PGR: variants seen among roughly 807,000 people sequenced by gnomAD.
The protein encoded by PGR is nuclear receptor subfamily 3 group C member 3.
Under a neutral mutation model 76.1 loss-of-function variants are expected in PGR, and 25 were observed. That is an observed-to-expected ratio of 0.33 (90% confidence interval 0.24 to 0.46). The LOEUF (loss-of-function observed/expected upper bound fraction) is 0.46, where lower values mean the gene tolerates loss of function less well. Among genes scored for constraint, PGR ranks in the 20% least tolerant of loss-of-function variants. PGR has a pLI of 1.00. For synonymous variants in PGR, 579 were observed against 535.0 expected (o/e 1.08, Z -1.14); for missense variants, 1,172 against 1,225.3 (o/e 0.96, Z 0.65).
In PGR at chr11:101,068,648, T is replaced by A. The variant is rs374885461; in HGVS notation, c.1907-5896A>T. ...CAACTCTACAGTAACTAAAACAGCA[T>A]GGTACTGGTACCCAAACAGATATAT... On this transcript the variant is annotated intron_variant, in intron 3 of 7. Coordinates refer to ENST00000325455, the MANE Select transcript of PGR (RefSeq NM_000926.4). 5.9e-5 allele frequency among the ~76,000 whole-genome samples: 9 copies of A among 152,238 alleles called. 1 individual carries two copies. In the South Asian group the frequency reaches 1.7e-3, roughly 28 times the overall value.
chr11:101,125,969 TTAAACCA>T (rs1283462611), intron 2 of PGR, 31 bp downstream of exon 2: 40 of 1,584,916 alleles, frequency 2.5e-5, no homozygotes, highest in Non-Finnish European at 3.5e-5. Context: ...CCATTTACAA[TTAAACCA>T]ATAATAAAGG....
At chr11:101,101,605 T>G (rs619487) in intron 2 of PGR, among the ~76,000 whole-genome samples, 37,225 of 152,130 alleles carry the variant, frequency 0.24, 5,685 homozygotes, top group Non-Finnish European at 0.35. Flanking sequence ...TCCAACTACA[T>G]ATCTGTGTGA....
chr11:101,075,678 A>G (rs1026032307), intron 3 of PGR, among the ~76,000 whole-genome samples: 18 of 152,004 alleles, frequency 1.2e-4, no homozygotes, highest in African/African-American at 3.9e-4. Flanking sequence ...ATGAACAGAC[A>G]CTTCTCAAAA....
rs758335858 is a variant in PGR, at chr11:101,049,907, TAA to T, written c.2488+20_2488+21del. ...AATTAAGAAACTAGATATCTTGCATTAAGTTACTTGAACTCACTCACTTGTAT... is the reference window on the plus strand; with the variant it reads ...AATTAAGAAACTAGATATCTTGCATTGTTACTTGAACTCACTCACTTGTAT... On this transcript the variant is annotated intron_variant, in intron 6 of 7. Transcript: ENST00000325455. The T allele has an allele frequency of 1.3e-6, 2 of 1,596,936 alleles. No homozygotes were observed. Among genetic ancestry groups the T allele is most frequent in the East Asian group, 4.5e-5 (2 of 44,616 alleles).
chr11:101,046,292 A>ATTTTTTTTTTT (rs540943297), intron 6 of PGR, among the ~76,000 whole-genome samples: 3 of 66,294 alleles, frequency 4.5e-5, no homozygotes, highest in African/African-American at 7.5e-5. Context: ...CGCCTGGCTA[A>ATTTTTTTTTTT]TTTTTTTTTT....
intron 2 of PGR, among the ~76,000 whole-genome samples, chr11:101,122,343 T>G (rs1016422762): frequency 6.6e-6 from 1 of 152,184 alleles, no homozygotes; most frequent in Non-Finnish European, 1.5e-5. Flanking sequence ...AGTGTGGCGT[T>G]ATCAGTTATG....
chr11:101,095,976 C>T lies in PGR; in HGVS notation c.1790-4100G>A, dbSNP rs573970901. On this transcript the variant is annotated intron_variant, in intron 2 of 7. Transcript: ENST00000325455. Reference sequence around the variant, plus strand: ...GATGTAATCCAGTCAACAACAGATACGTTATAGCAGACAATGTATGAGGTA... The same window carrying T: ...GATGTAATCCAGTCAACAACAGATATGTTATAGCAGACAATGTATGAGGTA... Among the ~76,000 whole-genome samples, 126 of 152,148 alleles carry T rather than the reference C, an allele frequency of 8.3e-4. 1 individual carries two copies. Among genetic ancestry groups the T allele is most frequent in the Middle Eastern group, 3.4e-3 (1 of 294 alleles).
intron 3 of PGR, among the ~76,000 whole-genome samples, chr11:101,070,313 T>A (rs923827237): frequency 6.6e-6 from 1 of 152,206 alleles, no homozygotes; most frequent in Non-Finnish European, 1.5e-5. Flanking sequence ...GCTTTCCCCA[T>A]GGTCTTTGCA....
intron 6 of PGR, among the ~76,000 whole-genome samples, 165 bp downstream of exon 6, chr11:101,049,764 C>T (rs11571241): frequency 0.01 from 1,590 of 152,028 alleles, 34 homozygotes; most frequent in African/African-American, 0.037. Context: ...ATGAAAAAAT[C>T]CAGTAATTTT....
In PGR at chr11:101,127,970, G is replaced by A; in HGVS notation, c.1101C>T (p.Ala367=). 6.2e-7 allele frequency: 1 copy of A among 1,612,058 alleles called. No homozygotes were observed. The highest frequency in any genetic ancestry group is 8.5e-7 in the Non-Finnish European group (1 of 1,179,850). Residue 367 remains alanine (A), a synonymous_variant, in exon 1 of 8, where the codon GCC becomes GCT. Coordinates refer to ENST00000325455, the MANE Select transcript of PGR (RefSeq NM_000926.4). Reference sequence around the variant, plus strand: ...GAGGGTACGCGTCGTCCTTGGGCTCGGCGTCGGGCGGGTACGCGCAGTCGG... The same window carrying A: ...GAGGGTACGCGTCGTCCTTGGGCTCAGCGTCGGGCGGGTACGCGCAGTCGG... ...DFPDCAYPPD[A]EPKDDAYPLY... is the part of the protein sequence containing the mutation.
At chr11:101,110,539 C>T (rs1368962361) in intron 2 of PGR, among the ~76,000 whole-genome samples, 1 of 152,160 alleles carries the variant, frequency 6.6e-6, no homozygotes. Context: ...CATGAGGGGT[C>T]TTGTCTCATG....
intron 2 of PGR, among the ~76,000 whole-genome samples, chr11:101,109,552 A>G (rs529909544): frequency 1.3e-5 from 2 of 152,330 alleles, no homozygotes; most frequent in East Asian, 3.9e-4. Flanking sequence ...ATTCTCTTCA[A>G]TTCTATCAAG....
rs1164756670 is a variant in PGR at position 101,127,517 on chromosome 11, G to A, written c.1554C>T (p.Asn518=). The part of the protein sequence containing the change: ...APALYPALGL[N]GLPQLGYQAA... ...CCTGGTAGCCGAGCTGCGGGAGCCC[G>A]TTGAGGCCGAGTGCAGGGTAGAGCG... The change falls in exon 1 of 8, where the codon AAC becomes AAT. Residue 518 remains asparagine, a synonymous_variant. Coordinates refer to ENST00000325455, the MANE Select transcript of PGR (RefSeq NM_000926.4). The A allele has an allele frequency of 2.6e-6, 4 of 1,535,978 alleles. No individual in the cohort carries two copies. Among genetic ancestry groups the A allele is most frequent in the African/African-American group, 2.9e-5 (2 of 70,032 alleles).
chr11:101,097,279 C>T (rs1370972587), intron 2 of PGR, among the ~76,000 whole-genome samples: 1 of 152,162 alleles, frequency 6.6e-6, no homozygotes, highest in African/African-American at 2.4e-5. Context: ...TATGACTTTC[C>T]TCCCTTCCTT....
At chr11:101,050,451 A>T (rs1860047017) in intron 5 of PGR, among the ~76,000 whole-genome samples, 1 of 152,118 alleles carries the variant, frequency 6.6e-6, no homozygotes, top group African/African-American at 2.4e-5. Flanking sequence ...TCTATGAAAA[A>T]TTATATAATT....
At chr11:101,059,863 A>AAAAAG (rs1860429729) in intron 4 of PGR, among the ~76,000 whole-genome samples, 3 of 141,180 alleles carry the variant, frequency 2.1e-5, no homozygotes, top group Admixed American at 7.4e-5. Context: ...AAAAAAAAAG[A>AAAAAG]AAAAAAAGAA....
intron 2 of PGR, among the ~76,000 whole-genome samples, chr11:101,094,592 C>T (rs1054399981): frequency 1.3e-5 from 2 of 152,146 alleles, no homozygotes; most frequent in Non-Finnish European, 2.9e-5. Flanking sequence ...TCTGACCTTC[C>T]AGTCATATTT....
chr11:101,040,872 A>C (rs1859674488), intron 7 of PGR, among the ~76,000 whole-genome samples: 1 of 151,996 alleles, frequency 6.6e-6, no homozygotes, highest in African/African-American at 2.4e-5. Flanking sequence ...TATTAATTGG[A>C]GGCTAGAATC....
chr11:101,123,399 A>C (rs906663736), intron 2 of PGR, among the ~76,000 whole-genome samples: 5 of 152,180 alleles, frequency 3.3e-5, no homozygotes, highest in African/African-American at 4.8e-5. Context: ...TGCTTTATTG[A>C]AGATTTTGAA....
Sources: gnomAD v4.1 joint callset for allele counts (sites outside exome capture counted in the v4.1 genomes callset) on GRCh38, gnomAD v4.1.1 for gene constraint, MANE v1.5 for transcripts, NCBI Gene and HGNC (gene_info 2026-07-23, HGNC 2026-07-21) for gene names.